NEB: variants seen among roughly 807,000 people sequenced by gnomAD.
NEB encodes the protein nebulin.
Under a neutral mutation model 952.2 loss-of-function variants are expected in NEB, and 512 were observed. The observed-to-expected ratio is 0.54, with a 90% CI of 0.50 to 0.58. NEB has a LOEUF of 0.58. NEB is among the 20% of genes least tolerant of loss of function. The pLI, the probability that NEB is intolerant of heterozygous loss-of-function variation, is 0.00. For synonymous variants in NEB, 2,900 were observed against 3,149.8 expected, an observed-to-expected ratio of 0.92 and a Z score of 2.66; for missense variants, 8,428 against 9,231.1, an observed-to-expected ratio of 0.91 and a Z score of 3.56.
rs763294980 is a variant in NEB, at chr2:151,655,386, G to GA, written c.6703-13dup. 15 of 1,449,006 alleles carry GA rather than the reference G, an allele frequency of 1.0e-5. No homozygotes were observed. Among genetic ancestry groups the GA allele is most frequent in the Admixed American group, 3.9e-5 (2 of 51,004 alleles). The allele number at this position is 1,449,006 out of a possible 1,614,324, so 89.8% of individuals were successfully genotyped here. ...ATGGTGTATAAATGCTAGGAAGTGG[G>GA]AAAAAAAGACATGAAATTTGAATAA... On this transcript the variant is annotated splice_polypyrimidine_tract_variant and intron_variant, in intron 50 of 181. Transcript: ENST00000397345.
intron 107 of NEB, among the ~76,000 whole-genome samples, chr2:151,571,301 A>G (rs1215589760): frequency 6.6e-6 from 1 of 152,196 alleles, no homozygotes; most frequent in African/African-American, 2.4e-5. Context: ...GTTGTTTTCA[A>G]ATGTACAATA....
Position 151,494,161 on chromosome 2 carries a change from C to T in NEB, c.24579G>A (p.Ser8193=), listed in dbSNP as rs202048855. The T allele has an allele frequency of 1.7e-5, 27 of 1,601,982 alleles. No individual in the cohort carries two copies. Among genetic ancestry groups the T allele is most frequent in the Admixed American group, 5.1e-5 (3 of 58,788 alleles). The change falls in exon 174 of 182, where the codon TCG becomes TCA. Residue 8193 remains serine, a splice_region_variant and synonymous_variant. Transcript: ENST00000397345. ...RVKRNQENIS[S]VLYKENLGKA... ...GCACTTTTGTTTCTCAAGACAATAC[C>T]GAGCTAATGTTTTCTTGATTGCGTT... is the stretch of plus-strand genomic sequence containing the variant.
intron 164 of NEB, 26 bp from the exon 165 acceptor site, chr2:151,505,596 A>C: frequency 1.9e-6 from 3 of 1,560,964 alleles, no homozygotes; most frequent in Non-Finnish European, 2.7e-6. Context: ...TGGGAAAAGA[A>C]AGGTATTATT....
In NEB at chr2:151,688,317, C is replaced by T. The variant is rs764736178; in HGVS notation, c.2390G>A (p.Arg797Lys). Reference protein sequence around the residue: ...PADAPQFIQHRVNAYNLSDNV... With the variant: ...PADAPQFIQHKVNAYNLSDNV... ...ATCACTCAGATTATAGGCATTGACTCTGTGTTGGATAAACTGTGGAGCATC... is the reference window on the plus strand; with the variant it reads ...ATCACTCAGATTATAGGCATTGACTTTGTGTTGGATAAACTGTGGAGCATC... Residue 797 changes from arginine (R) to lysine (K), a missense_variant, in exon 25 of 182, where the codon AGA becomes AAA. This residue lies in a region of NEB where 2,851 missense variants were observed against 2,791.5 expected (regional missense o/e 1.02). Coordinates refer to ENST00000397345, the MANE Select transcript of NEB (RefSeq NM_001164508.2). The T allele has an allele frequency of 5.6e-6, 9 of 1,613,420 alleles. No homozygotes were observed. The highest frequency in any genetic ancestry group is 7.6e-6 in the Non-Finnish European group (9 of 1,179,494).
intron 13 of NEB, among the ~76,000 whole-genome samples, chr2:151,704,837 G>A (rs1243129639): frequency 6.6e-6 from 1 of 152,162 alleles, no homozygotes; most frequent in African/African-American, 2.4e-5. Context: ...GCTCGCTCAC[G>A]CTGGGAGCTG....
intron 170 of NEB, 139 bp from the exon 171 acceptor site, chr2:151,497,857 T>G (rs1204147437): frequency 1.3e-6 from 2 of 1,512,594 alleles, no homozygotes; most frequent in East Asian, 4.9e-5. Flanking sequence ...ACTACTTTAG[T>G]GGAAGCTGTT....
At chr2:151,578,622 A>T (rs991451449) in intron 105 of NEB, among the ~76,000 whole-genome samples, 39 of 150,850 alleles carry the variant, frequency 2.6e-4, no homozygotes, top group Admixed American at 1.5e-3. Flanking sequence ...GACTCCAGCC[A>T]GGGCCACAGG....
At chr2:151,680,153 A>G (rs1344286656) in intron 30 of NEB, 131 bp from the exon 31 acceptor site, 1 of 701,594 alleles carries the variant, frequency 1.4e-6, no homozygotes, top group African/African-American at 1.8e-5. Context: ...GTGCATTTGC[A>G]TATTCATGTG....
Position 151,512,250 on chromosome 2 carries a change from G to A in NEB, c.23346+483C>T, listed in dbSNP as rs547541336. Among the ~76,000 whole-genome samples the A allele has an allele frequency of 1.6e-4, 24 of 151,958 alleles. No homozygotes were observed. The East Asian group carries it at 4.5e-3, about 28-fold the overall frequency. ...AGAGTTTCACCGTGTTAGCCAGGATGGTCTGGATCTCCTGACCTTGTGATC... is the reference window on the plus strand; with the variant it reads ...AGAGTTTCACCGTGTTAGCCAGGATAGTCTGGATCTCCTGACCTTGTGATC... On this transcript the variant is annotated intron_variant, in intron 161 of 181. Transcript: ENST00000397345.
chr2:151,684,244 A>C (rs1219793922), intron 28 of NEB, among the ~76,000 whole-genome samples: 1 of 152,168 alleles, frequency 6.6e-6, no homozygotes, highest in Non-Finnish European at 1.5e-5. Flanking sequence ...TAAAAAATAG[A>C]ATTGTTAGGA....
At chr2:151,522,496 CTG>C (rs913896759) in intron 153 of NEB, among the ~76,000 whole-genome samples, 1 of 152,238 alleles carries the variant, frequency 6.6e-6, no homozygotes, top group Non-Finnish European at 1.5e-5. Flanking sequence ...GAGTCCATCT[CTG>C]AGTCTAGTCT....
In NEB at chr2:151,697,256, T is replaced by C. The variant is rs886038438; in HGVS notation, c.1366-4A>G. On this transcript the variant is annotated splice_region_variant and splice_polypyrimidine_tract_variant and intron_variant, in intron 15 of 181. Transcript: ENST00000397345. ...CGTATTCTGCTTTGTAGTTTTTCTA[T>C]GAGGAGAAGAAATTAGGCATAAGAT... 4.3e-6 allele frequency: 7 copies of C among 1,613,644 alleles called. No individual in the cohort carries two copies. The highest frequency in any genetic ancestry group is 5.9e-6 in the Non-Finnish European group (7 of 1,179,574).
chr2:151,645,712 G>A (rs1177115615), intron 55 of NEB, among the ~76,000 whole-genome samples: 1 of 152,122 alleles, frequency 6.6e-6, no homozygotes, highest in African/African-American at 2.4e-5. Context: ...CAATGATAAT[G>A]ACAATAAAAA....
intron 3 of NEB, among the ~76,000 whole-genome samples, chr2:151,731,563 T>C (rs1371599674): frequency 2.0e-5 from 3 of 152,214 alleles, no homozygotes; most frequent in Admixed American, 6.5e-5. Flanking sequence ...AGTTCAATAC[T>C]TTCTGGCAGG....
chr2:151,534,351 A>G, intron 142 of NEB: 1 of 1,574,524 alleles, frequency 6.4e-7, no homozygotes, highest in Non-Finnish European at 8.7e-7. Flanking sequence ...TTATAGCAAG[A>G]GTACAACTTC....
chr2:151,567,715 T>TA (rs2096465852), intron 113 of NEB, among the ~76,000 whole-genome samples: 1 of 152,010 alleles, frequency 6.6e-6, no homozygotes, highest in Non-Finnish European at 1.5e-5. Flanking sequence ...AAATAAAATT[T>TA]AAAAAATAAA....
At chr2:151,620,306 G>GT (rs1352924000) in intron 72 of NEB, among the ~76,000 whole-genome samples, 1 of 124,046 alleles carries the variant, frequency 8.1e-6, no homozygotes, top group African/African-American at 3.0e-5. Context: ...CTTGAAAATG[G>GT]TTAAGATGGT....
At chr2:151,643,078 T>A in intron 58 of NEB, 72 bp downstream of exon 58, 1 of 1,462,708 alleles carries the variant, frequency 6.8e-7, no homozygotes, top group South Asian at 1.2e-5. Context: ...AGTTTTCTTT[T>A]ATACAAACAG....
chr2:151,544,867 A>C (rs1474379928), intron 135 of NEB, among the ~76,000 whole-genome samples: 1 of 152,250 alleles, frequency 6.6e-6, no homozygotes, highest in Admixed American at 6.5e-5. Context: ...TGGTGAATGC[A>C]CAAACTGATG....
Sources: allele counts gnomAD v4.1 joint callset (sites outside exome capture counted in the v4.1 genomes callset), GRCh38; gene constraint gnomAD v4.1.1; regional missense constraint gnomAD v4.1.1; transcripts MANE v1.5; gene names NCBI Gene and HGNC (gene_info 2026-07-23, HGNC 2026-07-21).